Variants in DHDDS observed in about 807,000 individuals in gnomAD.
DHDDS encodes dehydrodolichyl diphosphate synthase subunit, also known as dehydrodolichyl diphosphate synthase complex subunit DHDDS.
Under a neutral mutation model 46.2 loss-of-function variants are expected in DHDDS, and 16 were observed. That is an observed-to-expected ratio of 0.35 (90% CI 0.23 to 0.53). The LOEUF (loss-of-function observed/expected upper bound fraction) is 0.53. DHDDS is among the 20% of genes least tolerant of loss of function. The probability of loss-of-function intolerance (pLI) is 0.94; values close to 1 mark genes in which losing one functional copy is unlikely to be tolerated. For missense variants in DHDDS, 340 were observed against 423.7 expected, an observed-to-expected ratio of 0.80 and a Z score of 1.73; for synonymous variants, 151 against 163.1, an observed-to-expected ratio of 0.93 and a Z score of 0.56.
intron 2 of DHDDS, among the ~76,000 whole-genome samples, chr1:26,437,788 T>TA (rs1285029947): frequency 6.3e-5 from 9 of 143,616 alleles, no homozygotes; most frequent in African/African-American, 2.3e-4. Context: ...CCCCATCTCT[T>TA]AAAAAAAGAA....
intron 8 of DHDDS, among the ~76,000 whole-genome samples, chr1:26,461,383 C>CTTTT (rs71581068): frequency 7.3e-6 from 1 of 136,482 alleles, no homozygotes; most frequent in Non-Finnish European, 1.6e-5. Context: ...ACATAGAATA[C>CTTTT]TTTTTTTTTT....
At chr1:26,449,590 T>C (rs1486111120) in intron 6 of DHDDS, among the ~76,000 whole-genome samples, 1 of 151,562 alleles carries the variant, frequency 6.6e-6, no homozygotes, top group Non-Finnish European at 1.5e-5. Context: ...AGACAGAGTC[T>C]CACTCTTGCC....
chr1:26,438,799 A>AT (rs1369637159), intron 3 of DHDDS: 2 of 162,088 alleles, frequency 1.2e-5, no homozygotes, highest in African/African-American at 4.8e-5. Context: ...TAAGAACAAA[A>AT]TTGCCTCTTC....
chr1:26,447,069 G>A (rs559053429), intron 5 of DHDDS, among the ~76,000 whole-genome samples: 2 of 152,130 alleles, frequency 1.3e-5, no homozygotes, highest in African/African-American at 2.4e-5. Context: ...GGGCACAGTG[G>A]CTCACGCCTG....
intron 2 of DHDDS, among the ~76,000 whole-genome samples, chr1:26,434,766 C>T (rs771044876): frequency 1.3e-4 from 20 of 151,932 alleles, no homozygotes; most frequent in Non-Finnish European, 2.2e-4. Flanking sequence ...GATTCTCCCA[C>T]CTCAGCCTCC....
At chr1:26,443,134 C>A in intron 4 of DHDDS, 1 of 482,392 alleles carries the variant, frequency 2.1e-6, no homozygotes, top group Admixed American at 3.6e-5. Context: ...CAGCCTCAAG[C>A]AAAACTGAAA....
chr1:26,433,643 C>CA (rs1212241888), intron 2 of DHDDS, among the ~76,000 whole-genome samples: 1 of 68,916 alleles, frequency 1.5e-5, no homozygotes, highest in African/African-American at 5.7e-5. Context: ...GGGACTGTCT[C>CA]AAAAAAAAGA....
Position 26,460,029 on chromosome 1 carries a change from T to C in DHDDS, c.658-8T>C, listed in dbSNP as rs1358796301. Reference sequence around the variant, plus strand: ...ACTAAATCATACTCTCCTCCCTACCTTTCCCAGACCTCTCACTCCTGCCTG... The same window carrying C: ...ACTAAATCATACTCTCCTCCCTACCCTTCCCAGACCTCTCACTCCTGCCTG... On this transcript the variant is annotated splice_polypyrimidine_tract_variant and splice_region_variant and intron_variant, in intron 7 of 8. Coordinates refer to ENST00000236342, the MANE Select transcript of DHDDS (RefSeq NM_205861.3). 6.2e-7 allele frequency: 1 copy of C among 1,611,386 alleles called. No homozygotes were observed. The highest frequency in any genetic ancestry group is 1.3e-5 in the African/African-American group (1 of 74,956).
intron 6 of DHDDS, among the ~76,000 whole-genome samples, chr1:26,452,755 C>T (rs2075333434): frequency 6.6e-6 from 1 of 152,078 alleles, no homozygotes; most frequent in Non-Finnish European, 1.5e-5. Context: ...TTCACTGTGG[C>T]ATATTGACTT....
At chr1:26,434,826 T>C (rs2075137049) in intron 2 of DHDDS, among the ~76,000 whole-genome samples, 1 of 149,874 alleles carries the variant, frequency 6.7e-6, no homozygotes. Context: ...GCTAATTTTT[T>C]TTTTTTTTTT....
At chr1:26,461,495 CCTG>C (rs2075422015) in intron 8 of DHDDS, among the ~76,000 whole-genome samples, 1 of 151,386 alleles carries the variant, frequency 6.6e-6, no homozygotes, top group Non-Finnish European at 1.5e-5. Flanking sequence ...AAGTGATTCT[CCTG>C]CCTCACCCTC....
intron 6 of DHDDS, 104 bp downstream of exon 6, chr1:26,447,764 A>AGTCCACTTGAGGCAGGCC: frequency 1.0e-6 from 1 of 989,500 alleles, no homozygotes; most frequent in Non-Finnish European, 1.6e-6. Context: ...CGAGGTGGGC[A>AGTCCACTTGAGGCAGGCC]GTCCACTTGA....
chr1:26,465,017 G>A (rs1183374438), intron 8 of DHDDS, among the ~76,000 whole-genome samples: 1 of 152,202 alleles, frequency 6.6e-6, no homozygotes, highest in Non-Finnish European at 1.5e-5. Context: ...CTGGCAAAGG[G>A]AGATCTTGAC....
chr1:26,453,269 G>A (rs1036075715), intron 6 of DHDDS, among the ~76,000 whole-genome samples: 2 of 152,120 alleles, frequency 1.3e-5, no homozygotes, highest in African/African-American at 4.8e-5. Flanking sequence ...TATAATGGCT[G>A]TAAAATATAT....
Position 26,469,355 on chromosome 1 carries a change from A to C in DHDDS, c.*224A>C, listed in dbSNP as rs1557456019. The C allele has an allele frequency of 1.3e-6, 1 of 748,016 alleles. No individual in the cohort carries two copies. The highest frequency in any genetic ancestry group is 1.8e-5 in the African/African-American group (1 of 56,948). 46.3% of individuals were successfully genotyped at this position (748,016 alleles called of 1,614,324 possible). On this transcript the variant is annotated 3_prime_UTR_variant, in exon 9 of 9. Coordinates refer to ENST00000236342, the MANE Select transcript of DHDDS (RefSeq NM_205861.3). The stretch of plus-strand genomic sequence containing the variant: ...GTGAAAGTCTCCCACGAGTACACTA[A>C]ACCTAGGTCTGGTCACCAATAGGGT...
chr1:26,466,588 G>C (rs2075489895), intron 8 of DHDDS, among the ~76,000 whole-genome samples: 1 of 152,250 alleles, frequency 6.6e-6, no homozygotes, highest in Non-Finnish European at 1.5e-5. Context: ...ATTCCTGGCA[G>C]ACAGGGGCCA....
In DHDDS at chr1:26,468,971, T is replaced by C; in HGVS notation, c.842T>C (p.Leu281Pro). The change falls in exon 9 of 9, where the codon CTG becomes CCG. Residue 281 changes from leucine (L) to proline (P), a missense_variant. Transcript: ENST00000236342. ...GACCAGGCTACAGTGACAGAGCAGC[T>C]GCTGCGAGAGGGGCTCCAAGCCAGT... ...ERDQATVTEQ[L>P]LREGLQASGD... 1 of 1,614,078 alleles carries C rather than the reference T, an allele frequency of 6.2e-7. No homozygotes were observed.
In DHDDS at chr1:26,438,261, C is replaced by G. The variant is rs1057515434; in HGVS notation, c.157C>G (p.Gln53Glu). ...GGTGGAGCGGCAGGAAGGCCACTCA[C>G]AGGGCTTCAACAAGCTAGCTGAGGT... ...CQVERQEGHS[Q>E]GFNKLAETLR... Residue 53 changes from glutamine (Q) to glutamate (E), a missense_variant, in exon 3 of 9, where the codon CAG (glutamine) becomes GAG (glutamate). Around this residue, in one of 2 missense-constraint regions of DHDDS, gnomAD observed 72 missense variants for 123.5 expected, o/e 0.58. Coordinates refer to ENST00000236342, the MANE Select transcript of DHDDS (RefSeq NM_205861.3). 5 of 1,614,040 alleles carry G rather than the reference C, an allele frequency of 3.1e-6. No individual in the cohort carries two copies. Among genetic ancestry groups the G allele is most frequent in the Non-Finnish European group, 4.2e-6 (5 of 1,179,936 alleles).
chr1:26,465,134 C>T (rs2075470001), intron 8 of DHDDS, among the ~76,000 whole-genome samples: 1 of 152,130 alleles, frequency 6.6e-6, no homozygotes, highest in South Asian at 2.1e-4. Context: ...TCACAAGTTG[C>T]ATGGATGGTA....
Sources: allele counts gnomAD v4.1 joint callset (sites outside exome capture counted in the v4.1 genomes callset), GRCh38; gene constraint gnomAD v4.1.1; regional missense constraint gnomAD v4.1.1; transcripts MANE v1.5; gene names NCBI Gene and HGNC (gene_info 2026-07-23, HGNC 2026-07-21).